DPCD: variants seen among roughly 807,000 people sequenced by gnomAD.
The protein encoded by DPCD is protein DPCD.
Under a neutral mutation model 26.4 loss-of-function variants are expected in DPCD, and 20 were observed. The observed-to-expected ratio is 0.76, with a 90% confidence interval of 0.53 to 1.10. DPCD has a LOEUF of 1.10. Among genes scored for constraint, DPCD ranks in the 50% least tolerant of loss-of-function variants. The pLI, the probability that DPCD is intolerant of heterozygous loss-of-function variation, is 0.00. For missense variants in DPCD, 202 were observed against 253.9 expected (o/e 0.80, Z 1.39); for synonymous variants, 97 against 94.2 (o/e 1.03, Z -0.17).
Position 101,603,114 on chromosome 10 carries a change from C to T in DPCD, c.404+1778C>T, listed in dbSNP as rs1317837992. ...GGGGCAGGGCTGAGGGTTGGATTCC[C>T]ATAGAGGACAGAGGAGTGTTTCAGG... On this transcript the variant is annotated intron_variant, in intron 4 of 5. Transcript: ENST00000370151. This position sits in a 1 kb window ranked among gnomAD's most constrained non-coding sequence, Gnocchi z 4.6. Among the ~76,000 whole-genome samples the T allele has an allele frequency of 3.9e-5, 6 of 152,196 alleles. No homozygotes were observed. The highest frequency in any genetic ancestry group is 7.3e-5 in the Non-Finnish European group (5 of 68,030).
Position 101,605,007 on chromosome 10 carries a change from C to T in DPCD, c.404+3671C>T, listed in dbSNP as rs543767907. ...GAAACTCTGGATTAAACAGGCTTCT[C>T]TTTGGTGGGGCCGAGAGCCTTTAGT... On this transcript the variant is annotated intron_variant, in intron 4 of 5. Transcript: ENST00000370151. The T allele has an allele frequency of 2.7e-4, 361 of 1,340,294 alleles. 4 individuals are homozygous for T. In the African/African-American group the frequency reaches 5.1e-3, roughly 19 times the overall value. 83.0% of individuals were successfully genotyped at this position (1,340,294 alleles called of 1,614,324 possible).
chr10:101,596,015 G>C (rs145195828), intron 2 of DPCD, among the ~76,000 whole-genome samples: 99 of 152,236 alleles, frequency 6.5e-4, no homozygotes, highest in African/African-American at 2.3e-3. Context: ...TCCACACAGA[G>C]CAAATAAAAC....
chr10:101,608,540 C>T (rs921797563), intron 4 of DPCD, among the ~76,000 whole-genome samples: 2 of 152,186 alleles, frequency 1.3e-5, no homozygotes, highest in African/African-American at 4.8e-5. Flanking sequence ...GCTTCTTCTG[C>T]CTGTCTTTGG....
chr10:101,609,108 G>A (rs72844616), intron 5 of DPCD, 171 bp downstream of exon 5: 11,140 of 667,964 alleles, frequency 0.017, 128 homozygotes, highest in Middle Eastern at 0.027. Context: ...GGGGGCTCAG[G>A]AAGGAGCCTG....
intron 1 of DPCD, among the ~76,000 whole-genome samples, chr10:101,593,612 A>G (rs186992504): frequency 1.4e-4 from 22 of 152,070 alleles, no homozygotes; most frequent in Admixed American, 1.1e-3. Context: ...TTTTTTAGAC[A>G]GAGTCTCACT....
At chr10:101,594,607 G>C in intron 1 of DPCD, 51 bp from the exon 2 acceptor site, 1 of 1,584,852 alleles carries the variant, frequency 6.3e-7, no homozygotes, top group Non-Finnish European at 8.7e-7. Flanking sequence ...ATCTGCAAGG[G>C]ACAGGGCAAG....
At chr10:101,608,298 G>A (rs1589730703) in intron 4 of DPCD, among the ~76,000 whole-genome samples, 1 of 152,144 alleles carries the variant, frequency 6.6e-6, no homozygotes, top group Non-Finnish European at 1.5e-5. Flanking sequence ...TTTCCCTCTG[G>A]CCTACAAGGC....
rs758252691 is a variant in DPCD at position 101,608,898 on chromosome 10, G to A, written c.468G>A (p.Leu156=). The A allele has an allele frequency of 3.7e-6, 6 of 1,613,700 alleles. No individual in the cohort carries two copies. The highest frequency in any genetic ancestry group is 5.1e-6 in the Non-Finnish European group (6 of 1,179,946). Residue 156 remains leucine (L), a synonymous_variant, in exon 5 of 6, where the codon TTG becomes TTA. Transcript: ENST00000370151. ...ACCAGCTACCTCTGGATGACGCCTT[G>A]CTGAGCTTTGCCCACGCCAACTGCA... is the stretch of plus-strand genomic sequence containing the variant. ...DRHQLPLDDA[L]LSFAHANCTL... is the part of the protein sequence containing the mutation.
chr10:101,608,821 C>A lies in DPCD; in HGVS notation c.405-14C>A, dbSNP rs747971984. Reference sequence around the variant, plus strand: ...CTTGCCGAGTGCCCCAATGGCCTCTCGGTGTCCCCACAGGTACTACAAGAA... The same window carrying A: ...CTTGCCGAGTGCCCCAATGGCCTCTAGGTGTCCCCACAGGTACTACAAGAA... On this transcript the variant is annotated splice_polypyrimidine_tract_variant and intron_variant, in intron 4 of 5. Coordinates refer to ENST00000370151, the MANE Select transcript of DPCD (RefSeq NM_015448.3). The A allele has an allele frequency of 6.3e-7, 1 of 1,598,530 alleles. No individual in the cohort carries two copies. Among genetic ancestry groups the A allele is most frequent in the Admixed American group, 1.7e-5 (1 of 59,872 alleles).
In DPCD at chr10:101,599,472, T is replaced by G. The variant is rs572878171; in HGVS notation, c.146-1266T>G. On this transcript the variant is annotated intron_variant, in intron 2 of 5. Transcript: ENST00000370151. ...TTGGAAATGTGTTTCTAGGGAGAAT[T>G]TTTGGCCCTAAGAGGTAATAAAATC... Among the ~76,000 whole-genome samples, 17 of 152,330 alleles carry G rather than the reference T, an allele frequency of 1.1e-4. No homozygotes were observed. In the South Asian group the frequency reaches 3.5e-3, roughly 32 times the overall value.
intron 1 of DPCD, among the ~76,000 whole-genome samples, chr10:101,593,736 C>T (rs2063630096): frequency 6.6e-6 from 1 of 152,120 alleles, no homozygotes. Flanking sequence ...CTACAGGCAC[C>T]TACCACCATG....
chr10:101,597,529 T>C (rs548598497), intron 2 of DPCD, among the ~76,000 whole-genome samples: 3 of 152,270 alleles, frequency 2.0e-5, no homozygotes, highest in East Asian at 3.9e-4. Flanking sequence ...AGATGGGGCC[T>C]CCTTTCAGCA....
At position 101,603,326 on chromosome 10, in the gene DPCD, A is replaced by C. The variant is rs1250344530; in HGVS notation, c.404+1990A>C. ...TGTATTTTATACCTTTACTCCCATT[A>C]ATTATATAGAACTCAATGGGTATTC... On this transcript the variant is annotated intron_variant, in intron 4 of 5. Coordinates refer to ENST00000370151, the MANE Select transcript of DPCD (RefSeq NM_015448.3). The surrounding 1 kb of genome is among the most constrained non-coding windows in gnomAD (Gnocchi z 4.6). 6.6e-6 allele frequency among the ~76,000 whole-genome samples: 1 copy of C among 152,206 alleles called. No homozygotes were observed. The highest frequency in any genetic ancestry group is 1.5e-5 in the Non-Finnish European group (1 of 68,034).
rs2063762535 is a variant in DPCD at position 101,609,627 on chromosome 10, T to G, written c.*156T>G. 2 of 628,310 alleles carry G rather than the reference T, an allele frequency of 3.2e-6. No individual in the cohort carries two copies. Among genetic ancestry groups the G allele is most frequent in the East Asian group, 2.8e-5 (1 of 36,072 alleles). The allele number at this position is 628,310 out of a possible 1,614,324, so 38.9% of individuals were successfully genotyped here. On this transcript the variant is annotated 3_prime_UTR_variant, in exon 6 of 6. Coordinates refer to ENST00000370151, the MANE Select transcript of DPCD (RefSeq NM_015448.3). ...TCCTAGCCAGTGAGTCATGGTCATA[T>G]TTCCTGAGTAAAGTCATTCTGAGTT... is the stretch of plus-strand genomic sequence containing the variant.
At chr10:101,601,740 T>C (rs1029887928) in intron 4 of DPCD, among the ~76,000 whole-genome samples, 2 of 151,938 alleles carry the variant, frequency 1.3e-5, no homozygotes, top group African/African-American at 4.8e-5. Flanking sequence ...CAGGGAGCCA[T>C]AGCTTGGAAG....
chr10:101,604,344 G>A (rs935432991), intron 4 of DPCD, among the ~76,000 whole-genome samples: 1 of 152,136 alleles, frequency 6.6e-6, no homozygotes, highest in Non-Finnish European at 1.5e-5. Flanking sequence ...TGCACATCAT[G>A]GCATTTCTCT....
intron 4 of DPCD, among the ~76,000 whole-genome samples, chr10:101,606,398 T>A (rs1221373072): frequency 1.3e-5 from 2 of 152,216 alleles, no homozygotes; most frequent in African/African-American, 4.8e-5. Flanking sequence ...TGGCCTCAAG[T>A]GATCTGCCTA....
chr10:101,601,178 C>A, intron 3 of DPCD, 25 bp from the exon 4 acceptor site: 1 of 1,613,398 alleles, frequency 6.2e-7, no homozygotes, highest in Non-Finnish European at 8.5e-7. Context: ...AGGAACAGTC[C>A]TCGAGTTGGA....
intron 1 of DPCD, 81 bp downstream of exon 1, chr10:101,588,481 C>A: frequency 6.5e-7 from 1 of 1,534,520 alleles, no homozygotes; most frequent in South Asian, 1.2e-5. Context: ...GGGCCTGGGT[C>A]GGCAGAGCTG....
Sources: allele counts gnomAD v4.1 joint callset (sites outside exome capture counted in the v4.1 genomes callset), GRCh38; gene constraint gnomAD v4.1.1; non-coding constraint Gnocchi (gnomAD v3.1); transcripts MANE v1.5; gene names NCBI Gene and HGNC (gene_info 2026-07-23, HGNC 2026-07-21).